Variants in TACC2 observed in about 807,000 individuals in gnomAD.
TACC2 encodes the protein transforming acidic coiled-coil-containing protein 2.
TACC2 carries 137 observed loss-of-function variants against 227.3 expected under a neutral mutation model. The ratio of observed to expected loss-of-function variants is 0.60; its 90% confidence interval spans 0.52 to 0.69. The LOEUF is 0.69. Among genes scored for constraint, TACC2 ranks in the 30% least tolerant of loss-of-function variants. The pLI, the probability that TACC2 is intolerant of heterozygous loss-of-function variation, is 0.00. For synonymous variants in TACC2, 1,523 were observed against 1,487.5 expected (o/e 1.02, Z -0.55); for missense variants, 3,470 against 3,694.4 (o/e 0.94, Z 1.57).
chr10:122,227,943 G>C lies in TACC2; in HGVS notation c.7831G>C (p.Glu2611Gln), dbSNP rs770269399. 8.7e-6 allele frequency: 14 copies of C among 1,614,256 alleles called. 2 individuals carry two copies. The South Asian group carries it at 1.5e-4, about 18-fold the overall frequency. ...PNQESHLQVPEKSSQKELEAM... is the reference protein window; with the variant it reads ...PNQESHLQVPQKSSQKELEAM... ...CCAAGAGTCACACTTGCAGGTGCCAGAGAAATCCTCCCAGAAGGAGCTGGA... is the reference window on the plus strand; with the variant it reads ...CCAAGAGTCACACTTGCAGGTGCCACAGAAATCCTCCCAGAAGGAGCTGGA... The change falls in exon 14 of 23, where the codon GAG (glutamate) becomes CAG (glutamine). Residue 2611 changes from glutamate (E) to glutamine (Q), a missense_variant. By Grantham distance (29) the Glu-to-Gln change is conservative. Transcript: ENST00000369005.
chr10:122,211,267 A>G lies in TACC2; in HGVS notation c.6842A>G (p.Glu2281Gly). The stretch of plus-strand genomic sequence containing the variant: ...AAGAGTAGTTGGGACAACCAGCAGG[A>G]AAACCCCCCTCCTACCAAAAAGATA... ...EDKSSWDNQQENPPPTKKIGK... is the reference protein window; with the variant it reads ...EDKSSWDNQQGNPPPTKKIGK... The change falls in exon 9 of 23, where the codon GAA (glutamate) becomes GGA (glycine). Residue 2281 changes from glutamate to glycine, a missense_variant. This residue lies in a region of TACC2 where 593 missense variants were observed against 636.6 expected (regional missense o/e 0.93). Transcript: ENST00000369005. The G allele has an allele frequency of 6.2e-7, 1 of 1,614,122 alleles. No individual in the cohort carries two copies. Among genetic ancestry groups the G allele is most frequent in the Non-Finnish European group, 8.5e-7 (1 of 1,180,020 alleles).
chr10:122,176,111 CTCTCTCTA>C (rs1336592182), intron 7 of TACC2, among the ~76,000 whole-genome samples: 2,091 of 61,336 alleles, frequency 0.034, 6 homozygotes, highest in Non-Finnish European at 0.041. Context: ...CTCTCTCTCT[CTCTCTCTA>C]TATATATATA....
chr10:122,254,080 T>C lies in TACC2; in HGVS notation c.*24T>C, dbSNP rs751439925. The C allele has an allele frequency of 1.9e-6, 3 of 1,606,814 alleles. No homozygotes were observed. The Admixed American group carries it at 5.0e-5, about 27-fold the overall frequency. On this transcript the variant is annotated 3_prime_UTR_variant, in exon 23 of 23. Coordinates refer to ENST00000369005, the MANE Select transcript of TACC2 (RefSeq NM_206862.4). ...AACTCTGAACCGAATGTTTTGGACTTAACTGTTGCGTGCAATATGACCGTC... is the reference window on the plus strand; with the variant it reads ...AACTCTGAACCGAATGTTTTGGACTCAACTGTTGCGTGCAATATGACCGTC...
intron 1 of TACC2, among the ~76,000 whole-genome samples, chr10:122,005,785 C>G (rs1955045037): frequency 6.6e-6 from 1 of 151,558 alleles, no homozygotes; most frequent in African/African-American, 2.4e-5. Flanking sequence ...CCTCCACTCC[C>G]CGGGTTCAAG....
intron 16 of TACC2, among the ~76,000 whole-genome samples, chr10:122,236,316 T>C (rs543306037): frequency 7.2e-5 from 11 of 152,274 alleles, no homozygotes; most frequent in Admixed American, 3.9e-4. Flanking sequence ...ACCATTCAAT[T>C]TCTTCTCATA....
chr10:122,181,338 G>A (rs1036056615), intron 7 of TACC2, among the ~76,000 whole-genome samples: 2 of 152,116 alleles, frequency 1.3e-5, no homozygotes, highest in African/African-American at 4.8e-5. Context: ...CTGTCCCCTG[G>A]CTACTGGGAG....
At chr10:122,167,066 A>C (rs140934485) in intron 7 of TACC2, among the ~76,000 whole-genome samples, 1 of 152,202 alleles carries the variant, frequency 6.6e-6, no homozygotes, top group Admixed American at 6.5e-5. Flanking sequence ...CCCCCGTTTC[A>C]GGGGTTCCCT....
intron 5 of TACC2, among the ~76,000 whole-genome samples, chr10:122,115,084 C>T (rs1212254055): frequency 6.6e-6 from 1 of 152,218 alleles, no homozygotes; most frequent in African/African-American, 2.4e-5. Flanking sequence ...GTCCTGCGGC[C>T]TCGTTGGTTT....
At chr10:122,028,491 C>T (rs764000987) in intron 2 of TACC2, among the ~76,000 whole-genome samples, 2 of 151,890 alleles carry the variant, frequency 1.3e-5, no homozygotes, top group Non-Finnish European at 2.9e-5. Context: ...TTGGAGTGAC[C>T]GTAAATGGTG....
chr10:122,195,667 C>G (rs1399239202), intron 8 of TACC2, among the ~76,000 whole-genome samples: 2 of 152,214 alleles, frequency 1.3e-5, no homozygotes, highest in Non-Finnish European at 2.9e-5. Flanking sequence ...CCACAACTTT[C>G]TCCCTTAGTG....
chr10:122,008,351 C>G (rs1207460173), intron 1 of TACC2, among the ~76,000 whole-genome samples: 1 of 151,300 alleles, frequency 6.6e-6, no homozygotes, highest in East Asian at 1.9e-4. Flanking sequence ...CCTCTCGCCT[C>G]CCAGGTTCAA....
chr10:122,211,733 A>C, intron 9 of TACC2, 25 bp downstream of exon 9: 1 of 1,521,936 alleles, frequency 6.6e-7, no homozygotes, highest in Non-Finnish European at 8.8e-7. Context: ...GGAGGTGGTA[A>C]GGATCAGAGG....
chr10:122,188,907 G>T (rs1359394508), intron 7 of TACC2, among the ~76,000 whole-genome samples: 1 of 152,216 alleles, frequency 6.6e-6, no homozygotes, highest in Non-Finnish European at 1.5e-5. Context: ...AATTCTAGCA[G>T]CCTGGCTTGC....
intron 18 of TACC2, among the ~76,000 whole-genome samples, chr10:122,240,718 C>T (rs947393765): frequency 4.6e-5 from 7 of 152,150 alleles, no homozygotes; most frequent in Non-Finnish European, 7.4e-5. Context: ...AACAGTTATC[C>T]GCTCTTGGTT....
chr10:122,176,073 TTCTCTC>T (rs55655832), intron 7 of TACC2, among the ~76,000 whole-genome samples: 1,335 of 92,368 alleles, frequency 0.014, 10 homozygotes, highest in Middle Eastern at 0.021. Flanking sequence ...GAGCAAAACC[TTCTCTC>T]TCTCTCTCTC....
chr10:122,037,807 A>G (rs1419698702), intron 2 of TACC2, among the ~76,000 whole-genome samples: 1 of 152,210 alleles, frequency 6.6e-6, no homozygotes. Context: ...AGAGCCCCTT[A>G]GCAGTGTTTG....
intron 5 of TACC2, among the ~76,000 whole-genome samples, chr10:122,096,674 C>T (rs1290989149): frequency 2.8e-5 from 4 of 141,728 alleles, no homozygotes; most frequent in African/African-American, 8.0e-5. Flanking sequence ...CCAGCCTGGG[C>T]GACAGAGCAA....
chr10:122,118,776 T>C (rs2085193708), intron 5 of TACC2, among the ~76,000 whole-genome samples: 1 of 152,164 alleles, frequency 6.6e-6, no homozygotes. Context: ...GAGACTTCAG[T>C]TTGTTGTTTG....
intron 1 of TACC2, among the ~76,000 whole-genome samples, chr10:122,010,235 C>T (rs141534486): frequency 6.6e-6 from 1 of 152,284 alleles, no homozygotes; most frequent in African/African-American, 2.4e-5. Flanking sequence ...CTTGCCTTAA[C>T]CCACAATTCT....
Sources: allele counts gnomAD v4.1 joint callset (sites outside exome capture counted in the v4.1 genomes callset), GRCh38; gene constraint gnomAD v4.1.1; regional missense constraint gnomAD v4.1.1; transcripts MANE v1.5; gene names NCBI Gene and HGNC (gene_info 2026-07-23, HGNC 2026-07-21).